The following RPS10 variants were observed in gnomAD, a reference collection of about 807,000 sequenced individuals.
RPS10 encodes ribosomal protein S10, also known as small ribosomal subunit protein eS10.
Under a neutral mutation model 22.6 loss-of-function variants are expected in RPS10, and 2 were observed. That is an observed-to-expected ratio of 0.09 (90% CI 0.04 to 0.28). The LOEUF (loss-of-function observed/expected upper bound fraction) is 0.28, where lower values mean the gene tolerates loss of function less well. Among genes scored for constraint, RPS10 ranks in the 10% least tolerant of loss-of-function variants. The pLI, the probability that RPS10 is intolerant of heterozygous loss-of-function variation, is 1.00. For synonymous variants in RPS10, 70 were observed against 75.9 expected, an observed-to-expected ratio of 0.92 and a Z score of 0.40; for missense variants, 137 against 222.2, an observed-to-expected ratio of 0.62 and a Z score of 2.44.
At chr6:34,418,301 T>C (rs1765645109) in intron 5 of RPS10, 68 bp downstream of exon 5, 3 of 1,612,652 alleles carry the variant, frequency 1.9e-6, no homozygotes, top group Non-Finnish European at 2.5e-6. Context: ...TCCCCACAAC[T>C]TGCAGAGCAA....
intron 4 of RPS10, 85 bp downstream of exon 4, chr6:34,421,645 G>A (rs1765773290): frequency 6.7e-7 from 1 of 1,489,912 alleles, no homozygotes; most frequent in Non-Finnish European, 9.4e-7. Context: ...ATCATCAAGG[G>A]CTGAGCCCCA....
intron 1 of RPS10, chr6:34,425,605 C>G (rs143131965): frequency 3.1e-4 from 91 of 296,812 alleles, no homozygotes; most frequent in Middle Eastern, 2.6e-3. Flanking sequence ...AGGGAAGGCC[C>G]GGAGGGGTAA....
chr6:34,418,050 G>T (rs887679723), intron 5 of RPS10: 1 of 805,262 alleles, frequency 1.2e-6, no homozygotes, highest in African/African-American at 1.7e-5. Context: ...AAAAAAGATG[G>T]AGGATTTGAT....
intron 4 of RPS10, among the ~76,000 whole-genome samples, chr6:34,419,927 G>A (rs928687348): frequency 6.6e-6 from 1 of 152,080 alleles, no homozygotes; most frequent in East Asian, 1.9e-4. Flanking sequence ...CTGTTGCCCA[G>A]GCTGGAATGT....
chr6:34,420,027 C>T (rs943027894), intron 4 of RPS10, among the ~76,000 whole-genome samples: 3 of 152,136 alleles, frequency 2.0e-5, no homozygotes, highest in African/African-American at 7.2e-5. Context: ...GGACTATAGG[C>T]ACATACCACC....
At position 34,421,622 on chromosome 6, in the gene RPS10, T is replaced by C. The variant is rs1409090000; in HGVS notation, c.400+108A>G. On this transcript the variant is annotated intron_variant, in intron 4 of 5. Coordinates refer to ENST00000648437, the MANE Select transcript of RPS10 (RefSeq NM_001014.5). Reference sequence around the variant, plus strand: ...GCAGAGTGAAACCAAGAATCTTTCCTGGTCATTTTGTCATCATCAAGGGCT... The same window carrying C: ...GCAGAGTGAAACCAAGAATCTTTCCCGGTCATTTTGTCATCATCAAGGGCT... 9.6e-6 allele frequency: 12 copies of C among 1,245,914 alleles called. No individual in the cohort carries two copies. The East Asian group carries it at 2.8e-4, about 29-fold the overall frequency. The allele number at this position is 1,245,914 out of a possible 1,614,324, so 77.2% of individuals were successfully genotyped here.
intron 4 of RPS10, among the ~76,000 whole-genome samples, chr6:34,421,338 C>T (rs1765759559): frequency 6.6e-6 from 1 of 151,856 alleles, no homozygotes; most frequent in Non-Finnish European, 1.5e-5. Flanking sequence ...CGCCCACCAC[C>T]ACACCGCCCT....
At chr6:34,424,441 G>C in intron 3 of RPS10, 2 of 561,248 alleles carry the variant, frequency 3.6e-6, no homozygotes, top group South Asian at 4.0e-5. Context: ...ACAGGTGTGG[G>C]TGAAGAAAGT....
At chr6:34,423,202 T>C (rs182467409) in intron 3 of RPS10, among the ~76,000 whole-genome samples, 118 of 152,236 alleles carry the variant, frequency 7.8e-4, no homozygotes, top group African/African-American at 2.8e-3. Context: ...ACACAGTGTC[T>C]TGCTTTGTTG....
intron 3 of RPS10, among the ~76,000 whole-genome samples, chr6:34,422,122 A>G (rs370940937): frequency 6.6e-6 from 1 of 152,170 alleles, no homozygotes; most frequent in South Asian, 2.1e-4. Flanking sequence ...CTGAATAGCT[A>G]AACTTTTGAA....
Position 34,418,414 on chromosome 6 carries a change from G to C in RPS10, c.411C>G (p.Asp137Glu). ...YRRSAVPPGA[D>E]KKAEAGAGSA... is the part of the protein sequence containing the mutation. ...ACCCAGCCCCAGCCTCGGCTTTCTT[G>C]TCGGCACCAGCTAGAAAGTGAAACA... The change falls in exon 5 of 6, where the codon GAC becomes GAG. Residue 137 changes from aspartate to glutamate, a missense_variant. By Grantham distance (45) the Asp-to-Glu change is conservative. Transcript: ENST00000648437. 6.2e-7 allele frequency: 1 copy of C among 1,614,170 alleles called. No individual in the cohort carries two copies. The highest frequency in any genetic ancestry group is 8.5e-7 in the Non-Finnish European group (1 of 1,180,028).
intron 4 of RPS10, 98 bp from the exon 5 acceptor site, chr6:34,418,522 A>G (rs1375274769): frequency 2.5e-6 from 4 of 1,577,346 alleles, no homozygotes; most frequent in Non-Finnish European, 3.5e-6. Flanking sequence ...AGGAAAAGCC[A>G]AGTACCACTC....
intron 4 of RPS10, among the ~76,000 whole-genome samples, chr6:34,419,634 A>G (rs1765696831): frequency 6.6e-6 from 1 of 151,458 alleles, no homozygotes; most frequent in Admixed American, 6.6e-5. Context: ...CTGGAGTGCA[A>G]TGATGCAATC....
intron 1 of RPS10, chr6:34,425,440 T>C: frequency 1.7e-6 from 1 of 573,028 alleles, no homozygotes; most frequent in East Asian, 3.3e-5. Context: ...AAAACCAGGA[T>C]AGTGGTGCAC....
At chr6:34,424,162 A>AAAAAAAAAAAAAAAAAAAAAC (rs1561939860) in intron 3 of RPS10, 1 of 150,854 alleles carries the variant, frequency 6.6e-6, no homozygotes, top group Non-Finnish European at 1.5e-5. Flanking sequence ...AAAAAAAAAA[A>AAAAAAAAAAAAAAAAAAAAAC]AAGCAACTGT....
intron 5 of RPS10, chr6:34,418,075 G>T: frequency 1.9e-6 from 2 of 1,057,382 alleles, no homozygotes; most frequent in East Asian, 2.6e-5. Context: ...TACCATCTTG[G>T]TTCTTAAGCC....
At position 34,421,755 on chromosome 6, in the gene RPS10, A is replaced by G; in HGVS notation, c.375T>C (p.Asp125=). Reference sequence around the variant, plus strand: ...GTGGCACAGCACTCCGTCTGTAGGTATCTCTGTCAGCTTCCCCTCTTGTGA... The same window carrying G: ...GTGGCACAGCACTCCGTCTGTAGGTGTCTCTGTCAGCTTCCCCTCTTGTGA... ...ARLTRGEADR[D]TYRRSAVPPG... The change falls in exon 4 of 6, where the codon GAT becomes GAC. Residue 125 remains aspartate, a synonymous_variant. Coordinates refer to ENST00000648437, the MANE Select transcript of RPS10 (RefSeq NM_001014.5). 2 of 1,613,908 alleles carry G rather than the reference A, an allele frequency of 1.2e-6. No individual in the cohort carries two copies. The highest frequency in any genetic ancestry group is 1.3e-5 in the African/African-American group (1 of 75,026).
At chr6:34,425,498 G>T (rs28671566) in intron 1 of RPS10, 2 of 414,974 alleles carry the variant, frequency 4.8e-6, no homozygotes, top group Non-Finnish European at 9.1e-6. Flanking sequence ...AAGGTCAATG[G>T]GGGGGAGAGG....
At chr6:34,425,489 AGGTCAAT>A in intron 1 of RPS10, 1 of 433,694 alleles carries the variant, frequency 2.3e-6, no homozygotes, top group Non-Finnish European at 4.3e-6. Context: ...TCAATTACAA[AGGTCAAT>A]GGGGGGGAGA....
Sources: gnomAD v4.1 joint callset for allele counts (sites outside exome capture counted in the v4.1 genomes callset) on GRCh38, gnomAD v4.1.1 for gene constraint, MANE v1.5 for transcripts, NCBI Gene and HGNC (gene_info 2026-07-23, HGNC 2026-07-21) for gene names.